Variants in C10orf90 observed in about 807,000 individuals in gnomAD.
C10orf90 encodes (E2-independent) E3 ubiquitin-conjugating enzyme FATS.
Under a neutral mutation model 62.5 loss-of-function variants are expected in C10orf90, and 56 were observed. The observed-to-expected ratio is 0.90, with a 90% CI of 0.72 to 1.12. C10orf90 has a LOEUF of 1.12. Ranked by LOEUF, C10orf90 falls within the 50% of genes most tolerant of loss-of-function variation. The pLI, the probability that C10orf90 is intolerant of heterozygous loss-of-function variation, is 0.00. For missense variants in C10orf90, 970 were observed against 880.4 expected (o/e 1.10, Z -1.29); for synonymous variants, 386 against 340.4 (o/e 1.13, Z -1.47).
At chr10:126,523,552 T>C (rs1185573907) in intron 2 of C10orf90, 2 of 152,236 alleles carry the variant, frequency 1.3e-5, no homozygotes, top group Non-Finnish European at 2.9e-5. Context: ...TTTTCTCTCA[T>C]GAGTTGTCTC....
intron 4 of C10orf90, among the ~76,000 whole-genome samples, chr10:126,491,008 T>C (rs1331792268): frequency 6.6e-6 from 1 of 152,124 alleles, no homozygotes; most frequent in Non-Finnish European, 1.5e-5. Flanking sequence ...AAATGATATA[T>C]CTCCGTAAGT....
At chr10:126,616,298 G>A (rs778575238) in intron 2 of C10orf90, among the ~76,000 whole-genome samples, 26 of 152,290 alleles carry the variant, frequency 1.7e-4, no homozygotes, top group Admixed American at 5.9e-4. Context: ...GCCCTCTTCC[G>A]ACAAGCAATG....
At chr10:126,570,119 G>T (rs942079582) in intron 2 of C10orf90, among the ~76,000 whole-genome samples, 1 of 152,180 alleles carries the variant, frequency 6.6e-6, no homozygotes, top group South Asian at 2.1e-4. Context: ...TGAGCTCTGC[G>T]CTGATCGTAT....
At chr10:126,516,569 CA>C (rs932936172) in intron 2 of C10orf90, among the ~76,000 whole-genome samples, 2 of 152,220 alleles carry the variant, frequency 1.3e-5, no homozygotes, top group African/African-American at 4.8e-5. Context: ...GCCCTTAGTG[CA>C]ATGCTCAGAA....
chr10:126,519,741 T>C (rs1226655534), intron 2 of C10orf90, among the ~76,000 whole-genome samples: 1 of 152,212 alleles, frequency 6.6e-6, no homozygotes, highest in Non-Finnish European at 1.5e-5. Context: ...TGGGAAGTCT[T>C]CCTGTCTTCA....
At chr10:126,530,255 C>G (rs1864059482) in intron 2 of C10orf90, among the ~76,000 whole-genome samples, 1 of 151,004 alleles carries the variant, frequency 6.6e-6, no homozygotes. Context: ...AGAATGGAAA[C>G]AGAAAATAAT....
intron 2 of C10orf90, among the ~76,000 whole-genome samples, chr10:126,575,252 C>A (rs1270458021): frequency 1.3e-5 from 2 of 151,858 alleles, no homozygotes; most frequent in Non-Finnish European, 2.9e-5. Context: ...ACAGAAAAAC[C>A]TAAATACTCT....
At chr10:126,618,598 C>T (rs1366319043) in intron 2 of C10orf90, among the ~76,000 whole-genome samples, 2 of 152,172 alleles carry the variant, frequency 1.3e-5, no homozygotes, top group Non-Finnish European at 2.9e-5. Flanking sequence ...AGCAAGCACT[C>T]CAGCCTGTTC....
intron 5 of C10orf90, 59 bp from the exon 6 acceptor site, chr10:126,461,644 C>A: frequency 6.6e-7 from 1 of 1,507,882 alleles, no homozygotes; most frequent in South Asian, 1.2e-5. Flanking sequence ...CACGTGGCTC[C>A]TCAATACCAT....
At chr10:126,607,019 T>C (rs1010958430) in intron 2 of C10orf90, among the ~76,000 whole-genome samples, 1 of 152,224 alleles carries the variant, frequency 6.6e-6, no homozygotes, top group Non-Finnish European at 1.5e-5. Flanking sequence ...AAATTATTTC[T>C]GTAATATTAT....
At chr10:126,466,199 C>T (rs1255985676) in intron 4 of C10orf90, among the ~76,000 whole-genome samples, 1 of 152,016 alleles carries the variant, frequency 6.6e-6, no homozygotes, top group East Asian at 1.9e-4. Context: ...TCCTAGCCTT[C>T]CTGTGTGTTG....
intron 7 of C10orf90, among the ~76,000 whole-genome samples, chr10:126,433,754 G>A (rs1239386130): frequency 6.6e-6 from 1 of 151,968 alleles, no homozygotes; most frequent in Non-Finnish European, 1.5e-5. Flanking sequence ...AAACAAAACA[G>A]AGAAATCCTA....
chr10:126,656,854 A>C (rs865852091), intron 1 of C10orf90, among the ~76,000 whole-genome samples: 13 of 152,340 alleles, frequency 8.5e-5, no homozygotes, highest in Middle Eastern at 3.4e-3. Flanking sequence ...ATATCTTAAT[A>C]AGGCTGATTT....
At chr10:126,516,448 C>T (rs183616452) in intron 2 of C10orf90, among the ~76,000 whole-genome samples, 307 of 152,290 alleles carry the variant, frequency 2.0e-3, no homozygotes, top group African/African-American at 7.1e-3. Context: ...TCTTGTTACT[C>T]GTGTGGCTTT....
intron 2 of C10orf90, among the ~76,000 whole-genome samples, chr10:126,531,038 G>A (rs562977207): frequency 6.6e-6 from 1 of 152,056 alleles, no homozygotes; most frequent in Non-Finnish European, 1.5e-5. Context: ...GCCGGGTGTG[G>A]TGGCGGGTGC....
intron 7 of C10orf90, among the ~76,000 whole-genome samples, chr10:126,444,379 C>T (rs118111448): frequency 0.04 from 6,145 of 151,964 alleles, 238 homozygotes; most frequent in Admixed American, 0.079. Flanking sequence ...ACAACAAGAG[C>T]GACCAAGCAG....
At chr10:126,543,889 G>A (rs1864430845) in intron 2 of C10orf90, among the ~76,000 whole-genome samples, 2 of 152,144 alleles carry the variant, frequency 1.3e-5, no homozygotes, top group South Asian at 4.1e-4. Flanking sequence ...GCTGACTCGA[G>A]CTTCAAGGCT....
At chr10:126,460,109 T>C (rs1859872458) in intron 6 of C10orf90, among the ~76,000 whole-genome samples, 1 of 152,234 alleles carries the variant, frequency 6.6e-6, no homozygotes, top group African/African-American at 2.4e-5. Context: ...TGAGTGTCTC[T>C]GCTCAAGTTG....
At chr10:126,494,884 G>A (rs2133850947) in intron 4 of C10orf90, among the ~76,000 whole-genome samples, 1 of 152,370 alleles carries the variant, frequency 6.6e-6, no homozygotes, top group East Asian at 1.9e-4. Context: ...GAGGACACCT[G>A]TCCTGTGCAC....
Sources: gnomAD v4.1 joint callset for allele counts (sites outside exome capture counted in the v4.1 genomes callset) on GRCh38, gnomAD v4.1.1 for gene constraint, MANE v1.5 for transcripts, NCBI Gene and HGNC (gene_info 2026-07-23, HGNC 2026-07-21) for gene names.